The following KPNB1 variants were observed in gnomAD, a reference collection of about 807,000 sequenced individuals.
The protein encoded by KPNB1 is karyopherin subunit beta 1, also known as importin subunit beta-1.
In KPNB1, 7 loss-of-function variants were observed where a neutral mutation model predicts 113.0. The ratio of observed to expected loss-of-function variants is 0.06; its 90% CI spans 0.04 to 0.12. The LOEUF is 0.12. KPNB1 is among the 10% of genes least tolerant of loss of function. The pLI, the probability that KPNB1 is intolerant of heterozygous loss-of-function variation, is 1.00. For synonymous variants in KPNB1, 363 were observed against 378.6 expected (o/e 0.96, Z 0.48); for missense variants, 400 against 1,054.8 (o/e 0.38, Z 8.60).
chr17:47,662,446 C>T (rs923571118), intron 6 of KPNB1, among the ~76,000 whole-genome samples: 3 of 151,812 alleles, frequency 2.0e-5, no homozygotes, highest in Admixed American at 1.3e-4. Flanking sequence ...CGTGATGGGG[C>T]GAGCCTGTAG....
chr17:47,661,857 G>A (rs541354447), intron 6 of KPNB1, among the ~76,000 whole-genome samples: 5 of 152,240 alleles, frequency 3.3e-5, no homozygotes, highest in South Asian at 2.1e-4. Flanking sequence ...CTTCATTGCC[G>A]TAGGTTATTC....
intron 15 of KPNB1, among the ~76,000 whole-genome samples, chr17:47,676,037 T>G (rs1327266849): frequency 6.6e-6 from 1 of 152,196 alleles, no homozygotes; most frequent in African/African-American, 2.4e-5. Context: ...TGAAGCTGGC[T>G]TGCAGAAAGG....
chr17:47,678,079 A>G lies in KPNB1; in HGVS notation c.2137A>G (p.Ile713Val). Residue 713 changes from isoleucine to valine, a missense_variant, in exon 18 of 22, where the codon ATT becomes GTT. By Grantham distance (29) the Ile-to-Val change is conservative. This residue lies in a region of KPNB1 where 115 missense variants were observed against 427.9 expected (regional missense o/e 0.27). Transcript: ENST00000290158. ...CGTCCACAGGTCTGTGAAGCCGCAG[A>G]TTCTGTCAGTGTTTGGTGATATTGC... Reference protein sequence around the residue: ...ENVHRSVKPQILSVFGDIALA... With the variant: ...ENVHRSVKPQVLSVFGDIALA... 1 of 1,614,204 alleles carries G rather than the reference A, an allele frequency of 6.2e-7. No individual in the cohort carries two copies. The highest frequency in any genetic ancestry group is 8.5e-7 in the Non-Finnish European group (1 of 1,180,002).
At position 47,664,173 on chromosome 17, in the gene KPNB1, A is replaced by G. The variant is rs776323378; in HGVS notation, c.801A>G (p.Ala267=). 12 of 1,612,054 alleles carry G rather than the reference A, an allele frequency of 7.4e-6. No individual in the cohort carries two copies. Among genetic ancestry groups the G allele is most frequent in the Non-Finnish European group, 8.5e-6 (10 of 1,178,218 alleles). The stretch of plus-strand genomic sequence containing the variant: ...TTCTTCTTAAGATCACAATCGAAGC[A>G]ATGAAAAGTGACATTGATGAGGTGG... ...GPALFAITIE[A]MKSDIDEVAL... The change falls in exon 8 of 22, where the codon GCA becomes GCG. Residue 267 remains alanine, a synonymous_variant. Transcript: ENST00000290158.
chr17:47,682,404 ATC>A lies in KPNB1; in HGVS notation c.*2_*3del. 1 of 780,762 alleles carries A rather than the reference ATC, an allele frequency of 1.3e-6. No individual in the cohort carries two copies. Among genetic ancestry groups the A allele is most frequent in the Non-Finnish European group, 2.4e-6 (1 of 418,102 alleles). 48.4% of individuals were successfully genotyped at this position (780,762 alleles called of 1,614,324 possible). A position where few individuals can be genotyped will look rare whatever the true frequency, so the allele number is the denominator to read the frequency against. ...GACCTTTTTTTCCATCTGTTTTCAGATCTGTTACCATTGGGATGATAACCTGA... is the reference window on the plus strand; with the variant it reads ...GACCTTTTTTTCCATCTGTTTTCAGATGTTACCATTGGGATGATAACCTGA... On this transcript the variant is annotated splice_region_variant and 3_prime_UTR_variant, in exon 22 of 22. Coordinates refer to ENST00000290158, the MANE Select transcript of KPNB1 (RefSeq NM_002265.6).
At chr17:47,680,368 C>T (rs766534148) in intron 20 of KPNB1, 140 bp from the exon 21 acceptor site, 5 of 956,944 alleles carry the variant, frequency 5.2e-6, no homozygotes, top group African/African-American at 1.7e-5. Context: ...CAACAATTGC[C>T]TCTGTCTAGT....
intron 6 of KPNB1, among the ~76,000 whole-genome samples, chr17:47,661,805 A>C (rs1291856064): frequency 2.0e-5 from 3 of 152,192 alleles, no homozygotes; most frequent in Non-Finnish European, 4.4e-5. Context: ...GTATACACAA[A>C]TAAACAGTTA....
Position 47,650,398 on chromosome 17 carries a change from T to G in KPNB1, c.53T>G (p.Leu18Arg). 1 of 1,610,324 alleles carries G rather than the reference T, an allele frequency of 6.2e-7. No homozygotes were observed. ...TTCCTCCCCCTAGATCGGCTGGAGC[T>G]GGAAGCGGCGCAGAAGTTCCTGGAG... is the stretch of plus-strand genomic sequence containing the variant. ...EKTVSPDRLE[L>R]EAAQKFLERA... The change falls in exon 2 of 22, where the codon CTG becomes CGG. Residue 18 changes from leucine to arginine, a missense_variant. Around this residue, in one of 2 missense-constraint regions of KPNB1, gnomAD observed 285 missense variants for 627.0 expected, o/e 0.45. Transcript: ENST00000290158.
intron 2 of KPNB1, among the ~76,000 whole-genome samples, chr17:47,650,669 C>A (rs1338385826): frequency 6.6e-6 from 1 of 152,088 alleles, no homozygotes; most frequent in Admixed American, 6.5e-5. Flanking sequence ...CTTGGCGCGC[C>A]GAGCTGCCTG....
At chr17:47,656,271 G>C (rs199934024) in intron 3 of KPNB1, among the ~76,000 whole-genome samples, 2 of 148,604 alleles carry the variant, frequency 1.3e-5, no homozygotes, top group Non-Finnish European at 3.0e-5. Flanking sequence ...AAAAAAAAAA[G>C]AATTCTGAGA....
At chr17:47,665,814 G>A (rs775135776) in intron 9 of KPNB1, among the ~76,000 whole-genome samples, 1 of 152,170 alleles carries the variant, frequency 6.6e-6, no homozygotes, top group Non-Finnish European at 1.5e-5. Flanking sequence ...CGGTATTTGG[G>A]AAGCTTCTTC....
chr17:47,679,466 A>G (rs1206089600), intron 19 of KPNB1, among the ~76,000 whole-genome samples: 1 of 152,168 alleles, frequency 6.6e-6, no homozygotes, highest in Non-Finnish European at 1.5e-5. Context: ...TTAGCTCAGG[A>G]AAAAGTTAAA....
intron 8 of KPNB1, among the ~76,000 whole-genome samples, chr17:47,664,606 A>C (rs1034968363): frequency 5.3e-5 from 8 of 152,224 alleles, no homozygotes; most frequent in Admixed American, 2.6e-4. Context: ...AGGATGTATA[A>C]TTGATACTTT....
At chr17:47,680,776 TGTACTTTTTCCCATGTAGGTGCTTCTGA>T in intron 21 of KPNB1, 107 bp downstream of exon 21, 1 of 1,206,530 alleles carries the variant, frequency 8.3e-7, no homozygotes, top group Non-Finnish European at 1.1e-6. Context: ...TTTTTTTGTT[TGTACTTTTTCCCATGTAGGTGCTTCTGA>T]GTCAGGCAGC....
intron 21 of KPNB1, 54 bp from the exon 22 acceptor site, chr17:47,682,350 T>G (rs1794269336): frequency 1.3e-6 from 1 of 780,384 alleles, no homozygotes; most frequent in Non-Finnish European, 2.4e-6. Context: ...CATTATTGGC[T>G]CTGTTGGGTA....
At chr17:47,664,457 C>G (rs1340544134) in intron 8 of KPNB1, among the ~76,000 whole-genome samples, 188 bp downstream of exon 8, 14 of 152,128 alleles carry the variant, frequency 9.2e-5, no homozygotes. Flanking sequence ...GGCTCACGTT[C>G]TTGCCAAGCA....
chr17:47,670,308 G>A (rs1204512868), intron 11 of KPNB1: 1 of 213,746 alleles, frequency 4.7e-6, no homozygotes, highest in South Asian at 8.1e-5. Context: ...GGGGCTAAAC[G>A]TCTTTCTGTG....
rs1567892398 is a variant in KPNB1 at position 47,669,663 on chromosome 17, CTG to C, written c.1225-13_1225-12del. 1.9e-6 allele frequency: 3 copies of C among 1,556,890 alleles called. No individual in the cohort carries two copies. The highest frequency in any genetic ancestry group is 2.3e-5 in the East Asian group (1 of 43,974). On this transcript the variant is annotated splice_polypyrimidine_tract_variant and intron_variant, in intron 10 of 21. Transcript: ENST00000290158. Reference sequence around the variant, plus strand: ...AATCTTTGTTTTGCTTTGCTAATAACTGTTATATTTTCAGGCTATGCCCACCC... The same window carrying C: ...AATCTTTGTTTTGCTTTGCTAATAACTTATATTTTCAGGCTATGCCCACCC...
rs899924450 is a variant in KPNB1, at chr17:47,661,160, A to G, written c.678A>G (p.Thr226=). Residue 226 remains threonine, a synonymous_variant, in exon 6 of 22, where the codon ACA becomes ACG. Coordinates refer to ENST00000290158, the MANE Select transcript of KPNB1 (RefSeq NM_002265.6). ...TTATGCAGGTGGTCTGTGAAGCCAC[A>G]CAGTGTCCAGATACGAGGGTAAGTG... is the stretch of plus-strand genomic sequence containing the variant. ...HFIMQVVCEA[T]QCPDTRVRVA... The G allele has an allele frequency of 6.2e-7, 1 of 1,613,308 alleles. No homozygotes were observed. The highest frequency in any genetic ancestry group is 8.5e-7 in the Non-Finnish European group (1 of 1,179,190).
Sources: allele counts gnomAD v4.1 joint callset (sites outside exome capture counted in the v4.1 genomes callset), GRCh38; gene constraint gnomAD v4.1.1; regional missense constraint gnomAD v4.1.1; transcripts MANE v1.5; gene names NCBI Gene and HGNC (gene_info 2026-07-23, HGNC 2026-07-21).